MAPRE2: variants seen among roughly 807,000 people sequenced by gnomAD.
MAPRE2 encodes microtubule-associated protein RP/EB family member 2.
Under a neutral mutation model 43.2 loss-of-function variants are expected in MAPRE2, and 13 were observed. The ratio of observed to expected loss-of-function variants is 0.30; its 90% CI spans 0.20 to 0.48. MAPRE2 has a LOEUF of 0.48. MAPRE2 is among the 20% of genes least tolerant of loss of function. The probability of loss-of-function intolerance (pLI) is 0.99; values close to 1 mark genes in which losing one functional copy is unlikely to be tolerated. For synonymous variants in MAPRE2, 135 were observed against 148.8 expected, an observed-to-expected ratio of 0.91 and a Z score of 0.68; for missense variants, 161 against 400.2, an observed-to-expected ratio of 0.40 and a Z score of 5.10.
intron 2 of MAPRE2, among the ~76,000 whole-genome samples, chr18:35,027,808 T>C (rs1021790221): frequency 6.6e-6 from 1 of 152,162 alleles, no homozygotes; most frequent in Non-Finnish European, 1.5e-5. Context: ...GTGGGTCCTT[T>C]CTAATCCATA....
chr18:35,028,702 A>G (rs975295891), intron 2 of MAPRE2, among the ~76,000 whole-genome samples: 2 of 152,208 alleles, frequency 1.3e-5, no homozygotes, highest in African/African-American at 4.8e-5. Flanking sequence ...CGAAAGAGGG[A>G]GGAGCAAACA....
At chr18:35,039,840 G>GT (rs1262752127), upstream of MAPRE2, among the ~76,000 whole-genome samples, 1 of 152,190 alleles carries the variant, frequency 6.6e-6, no homozygotes, top group Non-Finnish European at 1.5e-5. Flanking sequence ...TATTTATGCT[G>GT]TATCTTTTAC....
chr18:35,052,350 A>T (rs1905983882), intron 1 of MAPRE2, among the ~76,000 whole-genome samples: 1 of 152,158 alleles, frequency 6.6e-6, no homozygotes, highest in African/African-American at 2.4e-5. Context: ...GACTACTTTG[A>T]CTCAGCACAA....
chr18:35,062,525 C>T (rs1906586250), intron 1 of MAPRE2, among the ~76,000 whole-genome samples: 1 of 152,250 alleles, frequency 6.6e-6, no homozygotes, highest in African/African-American at 2.4e-5. Flanking sequence ...AACAGGCCAA[C>T]TTTGGCAATC....
At chr18:35,010,094 T>A (rs1781862989) in intron 2 of MAPRE2, among the ~76,000 whole-genome samples, 1 of 152,182 alleles carries the variant, frequency 6.6e-6, no homozygotes, top group Non-Finnish European at 1.5e-5. Flanking sequence ...AATTTTTAAT[T>A]AAAATTTTAA....
chr18:35,076,654 G>A (rs1350538438), intron 2 of MAPRE2, among the ~76,000 whole-genome samples: 1 of 152,198 alleles, frequency 6.6e-6, no homozygotes, highest in African/African-American at 2.4e-5. Context: ...CAGCCCTTAA[G>A]TACATGAAGC....
chr18:35,133,596 A>G (rs1049805867), intron 6 of MAPRE2, among the ~76,000 whole-genome samples: 15 of 152,220 alleles, frequency 9.9e-5, no homozygotes, highest in African/African-American at 3.1e-4. Flanking sequence ...GCTGTCTGCG[A>G]TAACGCCTGC....
At chr18:34,982,178 C>T (rs998616773) in intron 1 of MAPRE2, among the ~76,000 whole-genome samples, 7 of 152,196 alleles carry the variant, frequency 4.6e-5, no homozygotes, top group African/African-American at 1.4e-4. Flanking sequence ...TCACTGCGCC[C>T]GGCCAACTTT....
intron 5 of MAPRE2, among the ~76,000 whole-genome samples, chr18:35,130,494 A>G (rs1321797558): frequency 6.6e-6 from 1 of 152,152 alleles, no homozygotes; most frequent in Admixed American, 6.5e-5. Context: ...TGGACACTGC[A>G]TGGGCTCAGT....
upstream of MAPRE2, among the ~76,000 whole-genome samples, chr18:35,040,711 G>A (rs1481661951): frequency 6.6e-6 from 1 of 152,206 alleles, no homozygotes; most frequent in Non-Finnish European, 1.5e-5. Flanking sequence ...AATTTGAATT[G>A]GAGGGTTTTG....
At chr18:35,012,214 G>A (rs985758041) in intron 2 of MAPRE2, among the ~76,000 whole-genome samples, 6 of 152,000 alleles carry the variant, frequency 3.9e-5, no homozygotes, top group Non-Finnish European at 7.4e-5. Context: ...TGCCTGTGAC[G>A]TTAAAAAAGA....
At chr18:35,130,294 T>C (rs1045560127) in intron 5 of MAPRE2, among the ~76,000 whole-genome samples, 9 of 152,206 alleles carry the variant, frequency 5.9e-5, no homozygotes, top group African/African-American at 2.2e-4. Flanking sequence ...TTTTCTTTTT[T>C]CTGGAATTTA....
intron 6 of MAPRE2, among the ~76,000 whole-genome samples, chr18:35,135,236 T>G (rs766463581): frequency 6.6e-6 from 1 of 152,204 alleles, no homozygotes; most frequent in Non-Finnish European, 1.5e-5. Context: ...TTATTTGGAA[T>G]GTGACAAGAC....
intron 2 of MAPRE2, among the ~76,000 whole-genome samples, chr18:35,082,738 A>G (rs1376035189): frequency 6.6e-6 from 1 of 152,132 alleles, no homozygotes; most frequent in Non-Finnish European, 1.5e-5. Context: ...TGAAATGATC[A>G]TGCAAGTTTG....
At chr18:35,037,672 T>TC (rs398038568), upstream of MAPRE2, among the ~76,000 whole-genome samples, 10 of 151,856 alleles carry the variant, frequency 6.6e-5, no homozygotes, top group South Asian at 2.1e-4. Flanking sequence ...ATTTTTTTTT[T>TC]CCCTTAGGAT....
At position 35,142,812 on chromosome 18, in the gene MAPRE2, G is replaced by C. The variant is rs1910717016; in HGVS notation, c.*2443G>C. On this transcript the variant is annotated 3_prime_UTR_variant, in exon 7 of 7. Coordinates refer to ENST00000300249, the MANE Select transcript of MAPRE2 (RefSeq NM_014268.4). Reference sequence around the variant, plus strand: ...CCCCCTCATTTCCCATGGATGGTGGGACCCCATTATTCTCTCATCTCGGCA... The same window carrying C: ...CCCCCTCATTTCCCATGGATGGTGGCACCCCATTATTCTCTCATCTCGGCA... 1 of 152,052 alleles carries C rather than the reference G, an allele frequency of 6.6e-6. No homozygotes were observed. Among genetic ancestry groups the C allele is most frequent in the South Asian group, 2.1e-4 (1 of 4,826 alleles). 9.4% of individuals were successfully genotyped at this position (152,052 alleles called of 1,614,324 possible). A position where few individuals can be genotyped will look rare whatever the true frequency, so the allele number is the denominator to read the frequency against.
At chr18:35,113,721 C>T (rs527447778) in intron 4 of MAPRE2, among the ~76,000 whole-genome samples, 4 of 152,164 alleles carry the variant, frequency 2.6e-5, no homozygotes, top group South Asian at 2.1e-4. Context: ...GGCAAAACCC[C>T]GTCTTTTCAA....
chr18:35,132,133 G>A lies in MAPRE2; in HGVS notation c.852G>A (p.Gln284=). ...AGCTACTCTGCCAAGAACACGGGCA[G>A]GAAAATGATGACCTCGTGCAGAGAC... ...EIELLCQEHG[Q]ENDDLVQRLM... The change falls in exon 6 of 7, where the codon CAG becomes CAA. Residue 284 remains glutamine, a synonymous_variant. Coordinates refer to ENST00000300249, the MANE Select transcript of MAPRE2 (RefSeq NM_014268.4). 6.2e-7 allele frequency: 1 copy of A among 1,614,202 alleles called. No individual in the cohort carries two copies. Among genetic ancestry groups the A allele is most frequent in the Non-Finnish European group, 8.5e-7 (1 of 1,180,024 alleles).
chr18:35,131,359 G>A (rs946265421), intron 5 of MAPRE2, among the ~76,000 whole-genome samples: 6 of 152,180 alleles, frequency 3.9e-5, no homozygotes, highest in Non-Finnish European at 8.8e-5. Flanking sequence ...TGTTCAGGCT[G>A]CTAGAGCAGA....
Sources: allele counts gnomAD v4.1 joint callset (sites outside exome capture counted in the v4.1 genomes callset), GRCh38; gene constraint gnomAD v4.1.1; transcripts MANE v1.5; gene names NCBI Gene and HGNC (gene_info 2026-07-23, HGNC 2026-07-21).